Variants in SECISBP2L observed in about 807,000 individuals in gnomAD.
SECISBP2L encodes SECIS binding protein 2 like, also known as selenocysteine insertion sequence-binding protein 2-like.
Under a neutral mutation model 114.7 loss-of-function variants are expected in SECISBP2L, and 43 were observed. The observed-to-expected ratio is 0.38, with a 90% confidence interval of 0.29 to 0.48. The LOEUF is 0.48. Ranked by LOEUF, SECISBP2L falls within the 20% of genes least tolerant of loss-of-function variation. The pLI, the probability that SECISBP2L is intolerant of heterozygous loss-of-function variation, is 0.98. For synonymous variants in SECISBP2L, 451 were observed against 439.7 expected, an observed-to-expected ratio of 1.03 and a Z score of -0.32; for missense variants, 1,136 against 1,301.1, an observed-to-expected ratio of 0.87 and a Z score of 1.95.
chr15:49,040,216 T>C (rs1008787592), intron 1 of SECISBP2L, among the ~76,000 whole-genome samples: 4 of 152,230 alleles, frequency 2.6e-5, no homozygotes, highest in African/African-American at 4.8e-5. Flanking sequence ...TGTGCCTTTA[T>C]TAAAGTTTGT....
At chr15:48,993,100 A>AGAGTGTGT (rs772299775) in intron 17 of SECISBP2L, among the ~76,000 whole-genome samples, 174 bp from the exon 18 acceptor site, 156 of 139,208 alleles carry the variant, frequency 1.1e-3, no homozygotes, top group South Asian at 4.0e-3. Flanking sequence ...ACAGAGAGAG[A>AGAGTGTGT]GTGTGTGTGT....
At chr15:49,037,218 T>C (rs1903027454) in intron 2 of SECISBP2L, among the ~76,000 whole-genome samples, 1 of 142,462 alleles carries the variant, frequency 7.0e-6, no homozygotes, top group African/African-American at 2.6e-5. Flanking sequence ...TTGCTTGGTA[T>C]TTTCTTTTAC....
At position 49,019,511 on chromosome 15, in the gene SECISBP2L, T is replaced by C; in HGVS notation, c.1077A>G (p.Arg359=). ...CTGGTCTCTTTTGCAAATTCTGTCT[T>C]CTTTCTGAGGAAGTACTGTGTCCTC... ...RCRGHSTSSE[R]RQNLQKRPDN... is the part of the protein sequence containing the mutation. Residue 359 remains arginine (R), a synonymous_variant, in exon 8 of 18, where the codon AGA becomes AGG. Transcript: ENST00000559471. The C allele has an allele frequency of 6.6e-7, 1 of 1,518,252 alleles. No individual in the cohort carries two copies. Among genetic ancestry groups the C allele is most frequent in the Non-Finnish European group, 8.8e-7 (1 of 1,139,786 alleles). 94.0% of individuals were successfully genotyped at this position (1,518,252 alleles called of 1,614,324 possible).
intron 14 of SECISBP2L, among the ~76,000 whole-genome samples, chr15:49,005,316 C>A (rs925608899): frequency 7.3e-6 from 1 of 137,278 alleles, no homozygotes; most frequent in African/African-American, 2.5e-5. Context: ...GGTGACAGAC[C>A]CAGACTCCAT....
At chr15:49,013,800 C>T (rs1415071364) in intron 11 of SECISBP2L, among the ~76,000 whole-genome samples, 1 of 152,122 alleles carries the variant, frequency 6.6e-6, no homozygotes, top group East Asian at 1.9e-4. Context: ...GGCTCACCAA[C>T]TGTCTTTATT....
chr15:49,001,459 CT>C (rs35210250), intron 14 of SECISBP2L, among the ~76,000 whole-genome samples: 46,990 of 144,380 alleles, frequency 0.33, 7,542 homozygotes, highest in Non-Finnish European at 0.36. Context: ...ACATCGTATT[CT>C]TTTTTTTTTT....
chr15:48,992,508 A>G lies in SECISBP2L; in HGVS notation c.3042T>C (p.Asn1014=). 6.2e-7 allele frequency: 1 copy of G among 1,614,148 alleles called. No homozygotes were observed. Among genetic ancestry groups the G allele is most frequent in the South Asian group, 1.1e-5 (1 of 91,084 alleles). ...HEPISVEVQL[N]SRIESWVSET... is the part of the protein sequence containing the mutation. Reference sequence around the variant, plus strand: ...CTGAGACCCAAGACTCAATTCTACTATTGAGCTGCACTTCTACAGATATGG... The same window carrying G: ...CTGAGACCCAAGACTCAATTCTACTGTTGAGCTGCACTTCTACAGATATGG... Residue 1014 remains asparagine (N), a synonymous_variant, in exon 18 of 18, where the codon AAT becomes AAC. Transcript: ENST00000559471.
At chr15:49,009,731 T>C (rs1902399331) in intron 13 of SECISBP2L, among the ~76,000 whole-genome samples, 2 of 151,726 alleles carry the variant, frequency 1.3e-5, no homozygotes, top group Non-Finnish European at 2.9e-5. Context: ...ACATTCCCTC[T>C]CTCTCTCAAA....
chr15:49,027,604 C>T, intron 6 of SECISBP2L, 124 bp from the exon 7 acceptor site: 1 of 469,126 alleles, frequency 2.1e-6, no homozygotes, highest in South Asian at 4.5e-5. Context: ...TTCTATAAAC[C>T]TTATTATTTT....
At chr15:49,000,112 T>C (rs1337355409) in intron 15 of SECISBP2L, 125 bp from the exon 16 acceptor site, 2 of 859,158 alleles carry the variant, frequency 2.3e-6, no homozygotes, top group South Asian at 3.8e-5. Context: ...CACTTAACGC[T>C]GTTACACATT....
At chr15:48,996,610 T>G in intron 16 of SECISBP2L, 24 bp from the exon 17 acceptor site, 3 of 1,592,616 alleles carry the variant, frequency 1.9e-6, no homozygotes, top group South Asian at 2.3e-5. Flanking sequence ...GTATTTTGAT[T>G]AATCCATTTT....
At chr15:49,031,047 TTTTTTTTTTTTTTC>T in intron 4 of SECISBP2L, among the ~76,000 whole-genome samples, 1 of 126,460 alleles carries the variant, frequency 7.9e-6, no homozygotes, top group South Asian at 2.9e-4. Flanking sequence ...CTTTTTTTTT[TTTTTTTTTTTTTTC>T]CCTTTTGAGA....
chr15:49,012,786 G>A lies in SECISBP2L; in HGVS notation c.1593C>T (p.Asp531=). Residue 531 remains aspartate (D), a synonymous_variant, in exon 12 of 18, where the codon GAC becomes GAT. Coordinates refer to ENST00000559471, the MANE Select transcript of SECISBP2L (RefSeq NM_001193489.2). ...VVTAASFHTK[D]STNRKPLTKS... is the part of the protein sequence containing the mutation. ...TGGTTAAAGGTTTTCTATTAGTAGAGTCTTTAGTGTGAAAAGAAGCTGCAG... is the reference window on the plus strand; with the variant it reads ...TGGTTAAAGGTTTTCTATTAGTAGAATCTTTAGTGTGAAAAGAAGCTGCAG... 1 of 1,613,082 alleles carries A rather than the reference G, an allele frequency of 6.2e-7. No individual in the cohort carries two copies. Among genetic ancestry groups the A allele is most frequent in the Non-Finnish European group, 8.5e-7 (1 of 1,179,728 alleles).
intron 3 of SECISBP2L, among the ~76,000 whole-genome samples, chr15:49,034,669 G>GTTTTTTTTTTTTT (rs58267682): frequency 1.5e-5 from 2 of 132,136 alleles, no homozygotes; most frequent in Non-Finnish European, 3.2e-5. Context: ...TATATCTTTT[G>GTTTTTTTTTTTTT]TTTTTTTTTT....
Position 49,016,553 on chromosome 15 carries a change from A to G in SECISBP2L, c.1561+7T>C, listed in dbSNP as rs763771191. 6.3e-7 allele frequency: 1 copy of G among 1,587,628 alleles called. No individual in the cohort carries two copies. Among genetic ancestry groups the G allele is most frequent in the Non-Finnish European group, 8.5e-7 (1 of 1,170,932 alleles). On this transcript the variant is annotated splice_region_variant and intron_variant, in intron 11 of 17. Transcript: ENST00000559471. Reference sequence around the variant, plus strand: ...AAACAGCAAATTGCTCAGACTAATGATATCACCTGTATATGACAGAGGTCT... The same window carrying G: ...AAACAGCAAATTGCTCAGACTAATGGTATCACCTGTATATGACAGAGGTCT...
rs1006792100 is a variant in SECISBP2L, at chr15:49,005,740, T to C, written c.2027+3476A>G. On this transcript the variant is annotated intron_variant, in intron 14 of 17. Coordinates refer to ENST00000559471, the MANE Select transcript of SECISBP2L (RefSeq NM_001193489.2). ...GTCTGTGTCTTTTAATTGGGGCATT[T>C]AGCCCATTCACATTTACAATTAATA... is the stretch of plus-strand genomic sequence containing the variant. Among the ~76,000 whole-genome samples the C allele has an allele frequency of 3.9e-5, 6 of 152,072 alleles. No individual in the cohort carries two copies. In the South Asian group the frequency reaches 1.0e-3, roughly 26 times the overall value.
chr15:49,016,578 TG>T lies in SECISBP2L; in HGVS notation c.1542del (p.Arg515AspfsTer24). The stretch of plus-strand genomic sequence containing the variant: ...ATATCACCTGTATATGACAGAGGTC[TG>T]GTGTTAGTAATTTGCCGTGCTTTCA... ...QAMKARQITN[T>X]RPLSYTVVTA... On this transcript the variant is annotated frameshift_variant, in exon 11 of 18. Transcript: ENST00000559471. LOFTEE classifies it high-confidence loss of function. 6.2e-7 allele frequency: 1 copy of T among 1,610,768 alleles called. No homozygotes were observed. Among genetic ancestry groups the T allele is most frequent in the Non-Finnish European group, 8.5e-7 (1 of 1,178,250 alleles).
intron 2 of SECISBP2L, among the ~76,000 whole-genome samples, chr15:49,035,929 C>A (rs550147941): frequency 6.6e-6 from 1 of 152,136 alleles, no homozygotes; most frequent in South Asian, 2.1e-4. Context: ...GTAACTCTGC[C>A]TTCCAATTCC....
Position 48,991,214 on chromosome 15 carries a change from T to G in SECISBP2L, c.*1030A>C, listed in dbSNP as rs953973663. 2 of 152,196 alleles carry G rather than the reference T, an allele frequency of 1.3e-5. No individual in the cohort carries two copies. The highest frequency in any genetic ancestry group is 4.8e-5 in the African/African-American group (2 of 41,446). 9.4% of individuals were successfully genotyped at this position (152,196 alleles called of 1,614,324 possible). On this transcript the variant is annotated 3_prime_UTR_variant, in exon 18 of 18. Transcript: ENST00000559471. ...TTGTGCAAAGTTCCTTTCCTTGACC[T>G]CCTGACAGTAACTATGGTCATTGCT...
Sources: allele counts gnomAD v4.1 joint callset (sites outside exome capture counted in the v4.1 genomes callset), GRCh38; gene constraint gnomAD v4.1.1; transcripts MANE v1.5; gene names NCBI Gene and HGNC (gene_info 2026-07-23, HGNC 2026-07-21).